The following PLXDC2 variants were observed in gnomAD, a reference collection of about 807,000 sequenced individuals.
The protein encoded by PLXDC2 is plexin domain-containing protein 2.
In PLXDC2, 40 loss-of-function variants were observed where a neutral mutation model predicts 68.9. The observed-to-expected ratio is 0.58, with a 90% CI of 0.45 to 0.76. The LOEUF (loss-of-function observed/expected upper bound fraction) is 0.76, where lower values mean the gene tolerates loss of function less well. Ranked by LOEUF, PLXDC2 falls within the 30% of genes least tolerant of loss-of-function variation. The pLI is 0.00. For synonymous variants in PLXDC2, 243 were observed against 234.2 expected, an observed-to-expected ratio of 1.04 and a Z score of -0.34; for missense variants, 644 against 661.9, an observed-to-expected ratio of 0.97 and a Z score of 0.30.
intron 13 of PLXDC2, among the ~76,000 whole-genome samples, chr10:20,248,562 C>G (rs1835631219): frequency 6.6e-6 from 1 of 152,126 alleles, no homozygotes; most frequent in South Asian, 2.1e-4. Flanking sequence ...TTTTTTCCTT[C>G]CTGTGGAGTC....
At chr10:20,070,775 A>C (rs982928160) in intron 4 of PLXDC2, 2 of 152,230 alleles carry the variant, frequency 1.3e-5, no homozygotes, top group Non-Finnish European at 2.9e-5. Context: ...AAATGTGTAC[A>C]CACAGTGTAA....
intron 1 of PLXDC2, among the ~76,000 whole-genome samples, chr10:19,825,594 C>T (rs1836556198): frequency 6.6e-6 from 1 of 152,070 alleles, no homozygotes. Flanking sequence ...GTAACTCCTA[C>T]CATTTTCTGT....
chr10:20,015,017 A>G (rs1362683101), intron 2 of PLXDC2, among the ~76,000 whole-genome samples: 1 of 152,198 alleles, frequency 6.6e-6, no homozygotes. Context: ...CGAGGAAGAG[A>G]AAATGATTTT....
intron 12 of PLXDC2, among the ~76,000 whole-genome samples, chr10:20,239,824 C>G (rs1835491459): frequency 6.6e-6 from 1 of 152,162 alleles, no homozygotes; most frequent in Non-Finnish European, 1.5e-5. Context: ...GGGAAATGAG[C>G]ATACTCAAGC....
At chr10:20,035,246 A>G (rs182820354) in intron 2 of PLXDC2, among the ~76,000 whole-genome samples, 87 of 152,246 alleles carry the variant, frequency 5.7e-4, no homozygotes, top group African/African-American at 2.0e-3. Context: ...GAAAAATTCC[A>G]TTTACAGCTG....
intron 1 of PLXDC2, among the ~76,000 whole-genome samples, chr10:19,864,998 A>G (rs1837388015): frequency 6.6e-6 from 1 of 152,236 alleles, no homozygotes; most frequent in Admixed American, 6.5e-5. Flanking sequence ...CACAGAAGAC[A>G]GAGAGGATGA....
chr10:20,139,137 C>A (rs916151618), intron 4 of PLXDC2, among the ~76,000 whole-genome samples: 2 of 152,130 alleles, frequency 1.3e-5, no homozygotes, highest in Admixed American at 1.3e-4. Context: ...AGATTATTCA[C>A]ACGACTAGAG....
chr10:19,872,259 A>G (rs1166348224), intron 1 of PLXDC2, among the ~76,000 whole-genome samples: 1 of 152,256 alleles, frequency 6.6e-6, no homozygotes, highest in Non-Finnish European at 1.5e-5. Flanking sequence ...AGGCCATTTC[A>G]TCCCTGAGGT....
chr10:20,024,043 A>G (rs1404765490), intron 2 of PLXDC2, among the ~76,000 whole-genome samples: 1 of 152,160 alleles, frequency 6.6e-6, no homozygotes, highest in Non-Finnish European at 1.5e-5. Flanking sequence ...TGGTCAATGT[A>G]TTGGTCTGCA....
chr10:20,093,160 T>G (rs866150511), intron 4 of PLXDC2, among the ~76,000 whole-genome samples: 7 of 152,272 alleles, frequency 4.6e-5, no homozygotes, highest in Middle Eastern at 3.4e-3. Flanking sequence ...TTGATACAAG[T>G]CTAGGGAAAA....
intron 2 of PLXDC2, among the ~76,000 whole-genome samples, chr10:20,023,615 A>G (rs1589592059): frequency 1.3e-5 from 2 of 152,104 alleles, no homozygotes; most frequent in East Asian, 3.9e-4. Context: ...TGCCCCTTCC[A>G]TCTTGGACTT....
At chr10:19,832,778 G>A (rs1260227653) in intron 1 of PLXDC2, among the ~76,000 whole-genome samples, 3 of 152,168 alleles carry the variant, frequency 2.0e-5, no homozygotes, top group Non-Finnish European at 2.9e-5. Flanking sequence ...CAAGGGAGCC[G>A]GGGAAGAGTC....
chr10:20,221,983 T>C (rs1281673054), intron 12 of PLXDC2, among the ~76,000 whole-genome samples: 3 of 152,210 alleles, frequency 2.0e-5, no homozygotes, highest in African/African-American at 4.8e-5. Flanking sequence ...CATGAATTTA[T>C]GGGACTACAT....
intron 2 of PLXDC2, among the ~76,000 whole-genome samples, chr10:20,022,322 A>G (rs922870890): frequency 6.6e-6 from 1 of 152,194 alleles, no homozygotes; most frequent in Non-Finnish European, 1.5e-5. Flanking sequence ...GTCGGGTTAG[A>G]TAGAAATAAA....
intron 1 of PLXDC2, 52 bp from the exon 2 acceptor site, chr10:20,001,721 GCA>G: frequency 2.0e-6 from 3 of 1,522,636 alleles, no homozygotes. Context: ...GATAGCACTT[GCA>G]TGTATGGTAC....
chr10:19,899,956 AATT>A (rs2131366597), intron 1 of PLXDC2, among the ~76,000 whole-genome samples: 1 of 152,238 alleles, frequency 6.6e-6, no homozygotes, highest in South Asian at 2.1e-4. Flanking sequence ...ATGGTTAGAG[AATT>A]ATTATGTTTA....
chr10:20,264,202 A>C (rs2119370193), intron 13 of PLXDC2, among the ~76,000 whole-genome samples: 1 of 152,332 alleles, frequency 6.6e-6, no homozygotes, highest in South Asian at 2.1e-4. Flanking sequence ...TCCTTAGCAA[A>C]CTAATGCATA....
At chr10:20,221,156 T>C (rs1399812403) in intron 12 of PLXDC2, among the ~76,000 whole-genome samples, 3 of 152,086 alleles carry the variant, frequency 2.0e-5, no homozygotes, top group Non-Finnish European at 4.4e-5. Flanking sequence ...ACTTTTTTTA[T>C]GAGTAGTATG....
intron 1 of PLXDC2, among the ~76,000 whole-genome samples, chr10:19,994,946 G>A (rs552194048): frequency 2.0e-5 from 3 of 151,926 alleles, no homozygotes; most frequent in East Asian, 2.0e-4. Context: ...GTTTCACCAC[G>A]TTGGCCAGCC....
Sources: allele counts gnomAD v4.1 joint callset (sites outside exome capture counted in the v4.1 genomes callset), GRCh38; gene constraint gnomAD v4.1.1; transcripts MANE v1.5; gene names NCBI Gene and HGNC (gene_info 2026-07-23, HGNC 2026-07-21).